Variants in MRI1 observed in about 807,000 individuals in gnomAD.
MRI1 encodes the protein methylthioribose-1-phosphate isomerase.
In MRI1, 32 loss-of-function variants were observed where a neutral mutation model predicts 27.3. The ratio of observed to expected loss-of-function variants is 1.17; its 90% CI spans 0.88 to 1.57. MRI1 has a LOEUF of 1.57. Ranked by LOEUF, MRI1 falls within the 40% of genes most tolerant of loss-of-function variation. MRI1 has a pLI of 0.00. For missense variants in MRI1, 508 were observed against 516.1 expected (o/e 0.98, Z 0.15); for synonymous variants, 216 against 227.4 (o/e 0.95, Z 0.45).
At position 13,766,081 on chromosome 19, in the gene MRI1, C is replaced by T. The variant is rs1321661762; in HGVS notation, c.499C>T (p.His167Tyr). The T allele has an allele frequency of 6.2e-7, 1 of 1,610,706 alleles. No homozygotes were observed. The highest frequency in any genetic ancestry group is 1.7e-5 in the Admixed American group (1 of 59,704). ...CGGTGGCAAGGTGACTGTGCTGACC[C>T]ACTGTAACACTGGTGCTCTGGCCAC... ...PSGGKVTVLT[H>Y]CNTGALATAG... Residue 167 changes from histidine to tyrosine, a missense_variant, in exon 3 of 6, where the codon CAC (histidine) becomes TAC (tyrosine). Physicochemically the swap from His to Tyr is moderately conservative, Grantham distance 83 (BLOSUM62 2). Transcript: ENST00000040663.
In MRI1 at chr19:13,764,620, G is replaced by C. The variant is rs372185077; in HGVS notation, c.32G>C (p.Gly11Ala). MTLEAIRYSR[G>A]SLQILDQLLL... is the part of the protein sequence containing the mutation. ...CTGGAGGCGATCCGCTACTCGCGGGGCTCCCTGCAGATCCTAGACCAGCTG... is the reference window on the plus strand; with the variant it reads ...CTGGAGGCGATCCGCTACTCGCGGGCCTCCCTGCAGATCCTAGACCAGCTG... The change falls in exon 1 of 6, where the codon GGC becomes GCC. Residue 11 changes from glycine to alanine, a missense_variant. By Grantham distance (60) the Gly-to-Ala change is moderately conservative. Transcript: ENST00000040663. 1.9e-6 allele frequency: 3 copies of C among 1,609,406 alleles called. No homozygotes were observed. The highest frequency in any genetic ancestry group is 2.5e-6 in the Non-Finnish European group (3 of 1,179,302).
rs73009867 is a variant in MRI1 at position 13,772,821 on chromosome 19, C to G, written c.*540C>G. 1 of 151,530 alleles carries G rather than the reference C, an allele frequency of 6.6e-6. No homozygotes were observed. Among genetic ancestry groups the G allele is most frequent in the Non-Finnish European group, 1.5e-5 (1 of 67,906 alleles). 9.4% of individuals were successfully genotyped at this position (151,530 alleles called of 1,614,324 possible). ...CCAGCCTGGGCAACAGAGCGAGACT[C>G]CGTCTCAAAAATAAATATAATTAAT... On this transcript the variant is annotated 3_prime_UTR_variant, in exon 6 of 6. Coordinates refer to ENST00000040663, the MANE Select transcript of MRI1 (RefSeq NM_001031727.4).
chr19:13,771,970 C>T, intron 5 of MRI1, 151 bp from the exon 6 acceptor site: 1 of 654,658 alleles, frequency 1.5e-6, no homozygotes, highest in South Asian at 2.1e-5. Flanking sequence ...GTACAATGTC[C>T]ATGCCTGCAT....
chr19:13,766,042 C>CT lies in MRI1; in HGVS notation c.460_461insT (p.Arg154LeufsTer16). ...CCTAGGAGCCCGCCACCTCCTGGAG[C>CT]GGGTGGCCCCCAGCGGTGGCAAGGT... On this transcript the variant is annotated frameshift_variant, in exon 3 of 6. Coordinates refer to ENST00000040663, the MANE Select transcript of MRI1 (RefSeq NM_001031727.4). LOFTEE classifies it high-confidence loss of function. 1 of 1,613,094 alleles carries CT rather than the reference C, an allele frequency of 6.2e-7. No homozygotes were observed. Among genetic ancestry groups the CT allele is most frequent in the Non-Finnish European group, 8.5e-7 (1 of 1,179,808 alleles).
At position 13,768,997 on chromosome 19, in the gene MRI1, C is replaced by T. The variant is rs1192763361; in HGVS notation, c.898C>T (p.Arg300Ter). The stretch of plus-strand genomic sequence containing the variant: ...CGGCAAGGAGATCATTATTGAAGAG[C>T]GACCGGGCCAGGAGCTGACCGATGT... ...ETGKEIIIEERPGQELTDVNG... is the reference protein window; with the variant it reads ...ETGKEIIIEE The change falls in exon 5 of 6, where the codon CGA (arginine) becomes TGA (stop). Residue 300 changes from arginine (R) to a stop codon, truncating the protein, a stop_gained. Coordinates refer to ENST00000040663, the MANE Select transcript of MRI1 (RefSeq NM_001031727.4). LOFTEE classifies it high-confidence loss of function. 17 of 1,613,734 alleles carry T rather than the reference C, an allele frequency of 1.1e-5. No homozygotes were observed. The highest frequency in any genetic ancestry group is 1.6e-4 in the Middle Eastern group (1 of 6,084).
rs1219236062 is a variant in MRI1, at chr19:13,764,944, G to A, written c.206G>A (p.Gly69Glu). The stretch of plus-strand genomic sequence containing the variant: ...GTGGAGCTGCAGGCGGGCGCCGGGG[G>A]ACCGGGACTCGCCGCGCTCGTGGCC... ...LAVELQAGAGGPGLAALVAFV... is the reference protein window; with the variant it reads ...LAVELQAGAGEPGLAALVAFV... The change falls in exon 2 of 6, where the codon GGA becomes GAA. Residue 69 changes from glycine to glutamate, a missense_variant. Gly to Glu is a moderately conservative substitution (Grantham distance 98, BLOSUM62 -2). This residue lies in a region of MRI1 where 457 missense variants were observed against 452.8 expected (regional missense o/e 1.01). Transcript: ENST00000040663. 3 of 1,504,432 alleles carry A rather than the reference G, an allele frequency of 2.0e-6. No individual in the cohort carries two copies. Among genetic ancestry groups the A allele is most frequent in the East Asian group, 2.7e-5 (1 of 37,054 alleles). The allele number at this position is 1,504,432 out of a possible 1,614,324, so 93.2% of individuals were successfully genotyped here. A position where few individuals can be genotyped will look rare whatever the true frequency, so the allele number is the denominator to read the frequency against.
At chr19:13,770,671 G>A (rs1974250318) in intron 5 of MRI1, among the ~76,000 whole-genome samples, 1 of 151,514 alleles carries the variant, frequency 6.6e-6, no homozygotes, top group Non-Finnish European at 1.5e-5. Flanking sequence ...ATCACCTGAG[G>A]TCGGGAGTTC....
chr19:13,769,115 A>C, intron 5 of MRI1, 67 bp downstream of exon 5: 3 of 1,329,036 alleles, frequency 2.3e-6, no homozygotes, highest in African/African-American at 2.9e-5. Flanking sequence ...GGTGATATGC[A>C]GGTCCTTGTC....
chr19:13,766,124 C>A lies in MRI1; in HGVS notation c.542C>A (p.Ala181Asp). Residue 181 changes from alanine to aspartate, a missense_variant, in exon 3 of 6, where the codon GCC becomes GAC. Physicochemically the swap from Ala to Asp is moderately radical, Grantham distance 126. Coordinates refer to ENST00000040663, the MANE Select transcript of MRI1 (RefSeq NM_001031727.4). ...CTGGCCACCGCTGGCTATGGTACAG[C>A]CCTAGGTGAGAGGGCCTCCTCAGGG... ...GALATAGYGT[A>D]LGVIRSLHSL... The A allele has an allele frequency of 6.4e-7, 1 of 1,551,144 alleles. No homozygotes were observed.
At chr19:13,769,885 A>T (rs1175750196) in intron 5 of MRI1, among the ~76,000 whole-genome samples, 1 of 151,406 alleles carries the variant, frequency 6.6e-6, no homozygotes, top group Non-Finnish European at 1.5e-5. Flanking sequence ...ACACCATTGC[A>T]CTCCAGCCTG....
At chr19:13,767,037 ATTT>A (rs1161584156) in intron 3 of MRI1, among the ~76,000 whole-genome samples, 13 of 21,120 alleles carry the variant, frequency 6.2e-4, no homozygotes, top group East Asian at 2.0e-3. Context: ...ATATATATAT[ATTT>A]TTTTTTTTTT....
chr19:13,768,548 G>A lies in MRI1; in HGVS notation c.548-13G>A, dbSNP rs1415189322. On this transcript the variant is annotated splice_polypyrimidine_tract_variant and intron_variant, in intron 3 of 5. Transcript: ENST00000040663. ...TCCCCGGGGCCTTCTCCTGGTGGGT[G>A]GGGCCCCCGCAGGTGTGATTCGCTC... 1 of 1,598,376 alleles carries A rather than the reference G, an allele frequency of 6.3e-7. No individual in the cohort carries two copies.
intron 3 of MRI1, among the ~76,000 whole-genome samples, chr19:13,768,012 G>T (rs948115292): frequency 6.6e-6 from 1 of 151,732 alleles, no homozygotes; most frequent in African/African-American, 2.4e-5. Flanking sequence ...GGGACTACAG[G>T]TGCCCGCCAC....
chr19:13,767,905 G>A (rs1974176276), intron 3 of MRI1, among the ~76,000 whole-genome samples: 1 of 90,136 alleles, frequency 1.1e-5, no homozygotes, highest in African/African-American at 4.7e-5. Context: ...GTCTTGCACT[G>A]TTGCCCAGGC....
In MRI1 at chr19:13,772,251, G is replaced by A; in HGVS notation, c.1080G>A (p.Arg360=). ...CCCTAACCACCACCATCTCTTCCAGGGATGGAACCCTAGATGGACCCCAGA... is the reference window on the plus strand; with the variant it reads ...CCCTAACCACCACCATCTCTTCCAGAGATGGAACCCTAGATGGACCCCAGA... ...RTALTTTISS[R]DGTLDGPQM Residue 360 remains arginine (R), a synonymous_variant, in exon 6 of 6, where the codon AGG becomes AGA. Transcript: ENST00000040663. 1 of 1,613,934 alleles carries A rather than the reference G, an allele frequency of 6.2e-7. No individual in the cohort carries two copies. Among genetic ancestry groups the A allele is most frequent in the South Asian group, 1.1e-5 (1 of 91,068 alleles).
chr19:13,772,323 T>G lies in MRI1; in HGVS notation c.*42T>G. The G allele has an allele frequency of 6.3e-7, 1 of 1,578,612 alleles. No individual in the cohort carries two copies. Among genetic ancestry groups the G allele is most frequent in the Non-Finnish European group, 8.6e-7 (1 of 1,158,650 alleles). ...TAGCCTGCCTCTCTAGGTTTTTCAA[T>G]ACATTTCTTGAATGGCTACCCAAAA... On this transcript the variant is annotated 3_prime_UTR_variant, in exon 6 of 6. Coordinates refer to ENST00000040663, the MANE Select transcript of MRI1 (RefSeq NM_001031727.4).
intron 2 of MRI1, 117 bp from the exon 3 acceptor site, chr19:13,765,837 C>A: frequency 1.7e-6 from 2 of 1,195,988 alleles, no homozygotes; most frequent in Non-Finnish European, 2.4e-6. Context: ...CCAGGCCCCA[C>A]AGCAATGAGA....
In MRI1 at chr19:13,772,954, G is replaced by C. The variant is rs957800027; in HGVS notation, c.*673G>C. The C allele has an allele frequency of 1.3e-5, 2 of 151,680 alleles. No homozygotes were observed. Among genetic ancestry groups the C allele is most frequent in the South Asian group, 2.1e-4 (1 of 4,824 alleles). 9.4% of individuals were successfully genotyped at this position (151,680 alleles called of 1,614,324 possible). A position where few individuals can be genotyped will look rare whatever the true frequency, so the allele number is the denominator to read the frequency against. ...ACATCTCCAGGGCAGAATTTTAAGA[G>C]GACACCAAAAAAGCTCAGCAACCAA... On this transcript the variant is annotated 3_prime_UTR_variant, in exon 6 of 6. Transcript: ENST00000040663.
chr19:13,764,636 A>G lies in MRI1; in HGVS notation c.48A>G (p.Leu16=). 2 of 1,608,438 alleles carry G rather than the reference A, an allele frequency of 1.2e-6. No homozygotes were observed. Among genetic ancestry groups the G allele is most frequent in the Non-Finnish European group, 1.7e-6 (2 of 1,178,968 alleles). The change falls in exon 1 of 6, where the codon CTA becomes CTG. Residue 16 remains leucine, a synonymous_variant. Coordinates refer to ENST00000040663, the MANE Select transcript of MRI1 (RefSeq NM_001031727.4). ...IRYSRGSLQI[L]DQLLLPKQSR... The stretch of plus-strand genomic sequence containing the variant: ...ACTCGCGGGGCTCCCTGCAGATCCT[A>G]GACCAGCTGCTGCTGCCCAAGCAGA...
Sources: gnomAD v4.1 joint callset for allele counts (sites outside exome capture counted in the v4.1 genomes callset) on GRCh38, gnomAD v4.1.1 for gene constraint, gnomAD v4.1.1 regional missense constraint, MANE v1.5 for transcripts, NCBI Gene and HGNC (gene_info 2026-07-23, HGNC 2026-07-21) for gene names.